SPTBN2: variants seen among roughly 807,000 people sequenced by gnomAD.
SPTBN2 encodes spectrin beta chain, non-erythrocytic 2.
A neutral mutation model predicts 284.2 loss-of-function variants in SPTBN2; 107 were observed. The observed-to-expected ratio is 0.38, with a 90% CI of 0.32 to 0.44. SPTBN2 has a LOEUF of 0.44. Ranked by LOEUF, SPTBN2 falls within the 20% of genes least tolerant of loss-of-function variation. The pLI, the probability that SPTBN2 is intolerant of heterozygous loss-of-function variation, is 1.00. For missense variants in SPTBN2, 2,569 were observed against 3,287.1 expected (o/e 0.78, Z 5.34); for synonymous variants, 1,289 against 1,354.8 (o/e 0.95, Z 1.07).
chr11:66,707,847 G>C lies in SPTBN2; in HGVS notation c.1351-29C>G. On this transcript the variant is annotated intron_variant, in intron 12 of 37. Coordinates refer to ENST00000533211, the MANE Select transcript of SPTBN2 (RefSeq NM_006946.4). The surrounding 1 kb of genome is among the most constrained non-coding windows in gnomAD (Gnocchi z 4.9). ...TGTCGGGGGCAGGGAGAGGAGGTGT[G>C]GGGACCAAGGGACAGTGCCTCTGCC... 1.2e-6 allele frequency: 2 copies of C among 1,603,368 alleles called. No homozygotes were observed. Among genetic ancestry groups the C allele is most frequent in the Non-Finnish European group, 1.7e-6 (2 of 1,179,258 alleles).
Position 66,705,676 on chromosome 11 carries a change from C to T in SPTBN2, c.1807+8G>A. 6.2e-7 allele frequency: 1 copy of T among 1,611,068 alleles called. No homozygotes were observed. The highest frequency in any genetic ancestry group is 8.5e-7 in the Non-Finnish European group (1 of 1,180,000). ...CCTCCCTCTCCAGTGCCTTCGCTGACTTCTCACCTTTCCCTGGGTTGCAGA... is the reference window on the plus strand; with the variant it reads ...CCTCCCTCTCCAGTGCCTTCGCTGATTTCTCACCTTTCCCTGGGTTGCAGA... On this transcript the variant is annotated splice_region_variant and intron_variant, in intron 14 of 37. Transcript: ENST00000533211.
chr11:66,696,559 A>T lies in SPTBN2; in HGVS notation c.4015-19T>A. 1 of 1,609,428 alleles carries T rather than the reference A, an allele frequency of 6.2e-7. No homozygotes were observed. Among genetic ancestry groups the T allele is most frequent in the Non-Finnish European group, 8.5e-7 (1 of 1,180,000 alleles). ...GCCCTTCCTGGAAGGCAGGACAGAA[A>T]ATGTCAAAGTGCCCAAATTAGCCTG... On this transcript the variant is annotated intron_variant, in intron 20 of 37. Coordinates refer to ENST00000533211, the MANE Select transcript of SPTBN2 (RefSeq NM_006946.4).
At chr11:66,702,446 T>G (rs180735530) in intron 15 of SPTBN2, among the ~76,000 whole-genome samples, 36 of 150,924 alleles carry the variant, frequency 2.4e-4, no homozygotes, top group Non-Finnish European at 5.9e-5. Flanking sequence ...ATTACAGGCG[T>G]GAGCCACCTC....
In SPTBN2 at chr11:66,683,748, T is replaced by A. The variant is rs2135270847; in HGVS notation, c.*2123A>T. On this transcript the variant is annotated 3_prime_UTR_variant, in exon 38 of 38. Coordinates refer to ENST00000533211, the MANE Select transcript of SPTBN2 (RefSeq NM_006946.4). ...AATCATTTCTCTATTAATTTCTCCA[T>A]ATACATTTCCTTCTGACATTTCCAA... 6.6e-6 allele frequency among the ~76,000 whole-genome samples: 1 copy of A among 152,370 alleles called. No individual in the cohort carries two copies. Among genetic ancestry groups the A allele is most frequent in the Non-Finnish European group, 1.5e-5 (1 of 68,036 alleles).
chr11:66,692,031 T>TG (rs1241116212), intron 26 of SPTBN2, among the ~76,000 whole-genome samples: 4 of 152,192 alleles, frequency 2.6e-5, no homozygotes, highest in Non-Finnish European at 2.9e-5. Flanking sequence ...ATTTCCTGTT[T>TG]GCCCTTGTCT....
rs772685699 is a variant in SPTBN2 at position 66,705,224 on chromosome 11, T to C, written c.2052A>G (p.Thr684=). The C allele has an allele frequency of 3.2e-6, 5 of 1,552,968 alleles. No homozygotes were observed. The highest frequency in any genetic ancestry group is 1.7e-4 in the Middle Eastern group (1 of 5,988). ...GGCCGCTCATCTCGCCCCGCAGGGC[T>C]GTGTGCTTGTTGAGCAGGCGGAGGG... is the stretch of plus-strand genomic sequence containing the variant. ...TGALRLLNKH[T]ALRGEMSGRL... is the part of the protein sequence containing the mutation. Residue 684 remains threonine (T), a synonymous_variant, in exon 15 of 38, where the codon ACA becomes ACG. Coordinates refer to ENST00000533211, the MANE Select transcript of SPTBN2 (RefSeq NM_006946.4).
chr11:66,688,263 G>GCTC lies in SPTBN2; in HGVS notation c.6277_6279dup (p.Glu2093dup), dbSNP rs752950222. On this transcript the variant is annotated inframe_insertion, in exon 32 of 38. Coordinates refer to ENST00000533211, the MANE Select transcript of SPTBN2 (RefSeq NM_006946.4). ...TCGGGAGCAGGCGGCTGTTTCCGCC[G>GCTC]CTCCTCCTCCTCCCTCTTTCTCTTT... 5 of 1,612,332 alleles carry GCTC rather than the reference G, an allele frequency of 3.1e-6. No homozygotes were observed. The highest frequency in any genetic ancestry group is 4.2e-6 in the Non-Finnish European group (5 of 1,179,528).
At chr11:66,703,347 G>A (rs905260834) in intron 15 of SPTBN2, among the ~76,000 whole-genome samples, 1 of 152,100 alleles carries the variant, frequency 6.6e-6, no homozygotes, top group African/African-American at 2.4e-5. Context: ...CTCCCAAAGT[G>A]CTGGGATTAC....
intron 3 of SPTBN2, 60 bp from the exon 4 acceptor site, chr11:66,716,041 A>ACCAGT (rs1038268345): frequency 1.2e-6 from 2 of 1,610,420 alleles, no homozygotes; most frequent in African/African-American, 1.3e-5. Flanking sequence ...GCTTCTAAAC[A>ACCAGT]CCAGTTGGCA....
In SPTBN2 at chr11:66,707,749, T is replaced by A; in HGVS notation, c.1420A>T (p.Ile474Phe). The change falls in exon 13 of 38, where the codon ATC becomes TTC. Residue 474 changes from isoleucine (I) to phenylalanine (F), a missense_variant. Physicochemically the swap from Ile to Phe is conservative, Grantham distance 21. Coordinates refer to ENST00000533211, the MANE Select transcript of SPTBN2 (RefSeq NM_006946.4). The surrounding 1 kb of genome is among the most constrained non-coding windows in gnomAD (Gnocchi z 4.9). ...TGCACCCGGCCGCTGTAGGCCACGA[T>A]GTCCGTCTCAATGGCTTCGTGCTTC... ...VRKHEAIETD[I>F]VAYSGRVQAV... The A allele has an allele frequency of 6.2e-7, 1 of 1,607,444 alleles. No homozygotes were observed. Among genetic ancestry groups the A allele is most frequent in the Non-Finnish European group, 8.5e-7 (1 of 1,178,588 alleles).
chr11:66,715,142 G>A lies in SPTBN2; in HGVS notation c.483+80C>T. 6.4e-7 allele frequency: 1 copy of A among 1,569,184 alleles called. No individual in the cohort carries two copies. Reference sequence around the variant, plus strand: ...TAGATCCTCCATCTTTGTGTTTGTTGTGTCATGGGCCAGCAGGAACGGCTT... The same window carrying A: ...TAGATCCTCCATCTTTGTGTTTGTTATGTCATGGGCCAGCAGGAACGGCTT... On this transcript the variant is annotated intron_variant, in intron 5 of 37. Transcript: ENST00000533211. This position sits in a 1 kb window ranked among gnomAD's most constrained non-coding sequence, Gnocchi z 5.3.
intron 15 of SPTBN2, 83 bp from the exon 16 acceptor site, chr11:66,701,804 CAGGA>C: frequency 1.3e-6 from 2 of 1,595,058 alleles, no homozygotes; most frequent in Non-Finnish European, 1.7e-6. Flanking sequence ...CTTAAACACC[CAGGA>C]GGGTGTCTCC....
chr11:66,702,288 C>T (rs1941289214), intron 15 of SPTBN2, among the ~76,000 whole-genome samples: 1 of 152,178 alleles, frequency 6.6e-6, no homozygotes, highest in Admixed American at 6.5e-5. Context: ...GCCTCCGCTT[C>T]CCGAATAGCT....
At chr11:66,686,629 G>T in intron 36 of SPTBN2, 189 bp from the exon 37 acceptor site, 2 of 697,842 alleles carry the variant, frequency 2.9e-6, no homozygotes, top group African/African-American at 1.8e-5. Flanking sequence ...TTTCTGACTG[G>T]CCCCAGAGGC....
Position 66,685,154 on chromosome 11 carries a change from G to C in SPTBN2, c.*717C>G, listed in dbSNP as rs1413427385. The C allele has an allele frequency of 2.0e-5, 3 of 153,528 alleles. No individual in the cohort carries two copies. In the East Asian group the frequency reaches 5.8e-4, roughly 29 times the overall value. 9.5% of individuals were successfully genotyped at this position (153,528 alleles called of 1,614,324 possible). On this transcript the variant is annotated 3_prime_UTR_variant, in exon 38 of 38. Transcript: ENST00000533211. This position sits in a 1 kb window ranked among gnomAD's most constrained non-coding sequence, Gnocchi z 4.4. Reference sequence around the variant, plus strand: ...CGGCTCTTCAAGAGCTTGGAGGCTGGGGAAACGTGAGATGAAGGAGACCAG... The same window carrying C: ...CGGCTCTTCAAGAGCTTGGAGGCTGCGGAAACGTGAGATGAAGGAGACCAG...
rs1941201293 is a variant in SPTBN2, at chr11:66,700,860, C to G, written c.3239G>C (p.Trp1080Ser). The change falls in exon 17 of 38, where the codon TGG becomes TCG. Residue 1080 changes from tryptophan to serine, a missense_variant. By Grantham distance (177) the Trp-to-Ser change is radical. This residue lies in a region of SPTBN2 where 1,012 missense variants were observed against 1,248.9 expected (regional missense o/e 0.81). Coordinates refer to ENST00000533211, the MANE Select transcript of SPTBN2 (RefSeq NM_006946.4). The surrounding 1 kb of genome is among the most constrained non-coding windows in gnomAD (Gnocchi z 6.6). ...CACAGCAGTCTGAGTGCGGCCTAGC[C>G]AGGCCTGGAAGTCATCCAAGCTGCG... is the stretch of plus-strand genomic sequence containing the variant. ...FLRSLDDFQA[W>S]LGRTQTAVAS... 3.7e-6 allele frequency: 6 copies of G among 1,600,022 alleles called. No homozygotes were observed. Among genetic ancestry groups the G allele is most frequent in the Non-Finnish European group, 5.1e-6 (6 of 1,179,852 alleles).
In SPTBN2 at chr11:66,686,024, C is replaced by T. The variant is rs61741217; in HGVS notation, c.7020G>A (p.Pro2340=). 2,749 of 1,613,682 alleles carry T rather than the reference C, an allele frequency of 1.7e-3. 43 individuals carry two copies. In the African/African-American group the frequency reaches 0.031, roughly 18 times the overall value. The change falls in exon 38 of 38, where the codon CCG becomes CCA. Residue 2340 remains proline (P), a synonymous_variant. Coordinates refer to ENST00000533211, the MANE Select transcript of SPTBN2 (RefSeq NM_006946.4). ...ASSASGEPEE[P]VVPSTTRGMT... Reference sequence around the variant, plus strand: ...TGCCCCGGGTGGTGCTGGGCACCACCGGCTCTTCAGGCTCTCCAGAGGCAG... The same window carrying T: ...TGCCCCGGGTGGTGCTGGGCACCACTGGCTCTTCAGGCTCTCCAGAGGCAG...
At chr11:66,732,764 G>A (rs181498096), upstream of SPTBN2, among the ~76,000 whole-genome samples, 337 of 151,000 alleles carry the variant, frequency 2.2e-3, 3 homozygotes, top group South Asian at 4.2e-3. Context: ...TCAGGAGTTC[G>A]AGACTAGCCT....
In SPTBN2 at chr11:66,691,565, T is replaced by C. The variant is rs569231673; in HGVS notation, c.5284A>G (p.Ile1762Val). The change falls in exon 27 of 38, where the codon ATT becomes GTT. Residue 1762 changes from isoleucine to valine, a missense_variant. Transcript: ENST00000533211. The surrounding 1 kb of genome is among the most constrained non-coding windows in gnomAD (Gnocchi z 8.0). ...DSANALANGL[I>V]AGGHAARATV... is the part of the protein sequence containing the mutation. ...GCCCGTGCAGCATGGCCCCCAGCAATGAGCCCATTGGCCAGCGCATTGGCG... is the reference window on the plus strand; with the variant it reads ...GCCCGTGCAGCATGGCCCCCAGCAACGAGCCCATTGGCCAGCGCATTGGCG... 6 of 1,613,652 alleles carry C rather than the reference T, an allele frequency of 3.7e-6. No homozygotes were observed. In the African/African-American group the frequency reaches 5.3e-5, roughly 14 times the overall value.
Sources: allele counts gnomAD v4.1 joint callset (sites outside exome capture counted in the v4.1 genomes callset), GRCh38; gene constraint gnomAD v4.1.1; regional missense constraint gnomAD v4.1.1; non-coding constraint Gnocchi (gnomAD v3.1); transcripts MANE v1.5; gene names NCBI Gene and HGNC (gene_info 2026-07-23, HGNC 2026-07-21).